The following GALNT13 variants were observed in gnomAD, a reference collection of about 807,000 sequenced individuals.
The protein encoded by GALNT13 is UDP-GalNAc:polypeptide N-acetylgalactosaminyltransferase 13.
GALNT13 carries 28 observed loss-of-function variants against 64.2 expected under a neutral mutation model. The observed-to-expected ratio is 0.44, with a 90% CI of 0.32 to 0.60. The LOEUF (loss-of-function observed/expected upper bound fraction) is 0.60. GALNT13 is among the 20% of genes least tolerant of loss of function. The probability of loss-of-function intolerance (pLI) is 0.05; values close to 1 mark genes in which losing one functional copy is unlikely to be tolerated. For missense variants in GALNT13, 577 were observed against 669.8 expected, an observed-to-expected ratio of 0.86 and a Z score of 1.53; for synonymous variants, 214 against 224.6, an observed-to-expected ratio of 0.95 and a Z score of 0.42.
chr2:153,310,593 C>G, the GALNT13 span, among the ~76,000 whole-genome samples: 1 of 152,090 alleles, frequency 6.6e-6, no homozygotes, highest in Non-Finnish European at 1.5e-5. Context: ...TTTATTTTCC[C>G]TAGCTTACTT....
intron 4 of GALNT13, among the ~76,000 whole-genome samples, chr2:154,171,457 G>C (rs1217441272): frequency 6.6e-6 from 1 of 152,058 alleles, no homozygotes; most frequent in Non-Finnish European, 1.5e-5. Context: ...TGAAAATCAA[G>C]ACAATGCATG....
At chr2:153,114,815 A>G in the GALNT13 span, among the ~76,000 whole-genome samples, 1 of 152,242 alleles carries the variant, frequency 6.6e-6, no homozygotes, top group East Asian at 1.9e-4. Flanking sequence ...CACTACTAAC[A>G]CTTGTTTTTC....
intron 2 of GALNT13, among the ~76,000 whole-genome samples, chr2:153,909,286 T>A (rs1191451860): frequency 6.6e-6 from 1 of 152,146 alleles, no homozygotes; most frequent in Non-Finnish European, 1.5e-5. Flanking sequence ...GTACATTGAC[T>A]TTTTATCCTG....
At chr2:154,131,035 T>C (rs980210882) in intron 3 of GALNT13, among the ~76,000 whole-genome samples, 2 of 152,212 alleles carry the variant, frequency 1.3e-5, no homozygotes, top group Non-Finnish European at 2.9e-5. Context: ...ATATTTCCTG[T>C]ATAAAGCTGA....
At chr2:153,442,829 T>C in the GALNT13 span, among the ~76,000 whole-genome samples, 7 of 152,244 alleles carry the variant, frequency 4.6e-5, no homozygotes, top group East Asian at 1.4e-3. Flanking sequence ...ACTTCCCGAG[T>C]GGCTTTGTTT....
intron 11 of GALNT13, among the ~76,000 whole-genome samples, chr2:154,423,361 A>G (rs911992564): frequency 6.6e-6 from 1 of 152,112 alleles, no homozygotes; most frequent in Admixed American, 6.6e-5. Flanking sequence ...GAATAGTGCC[A>G]CAATAAACAT....
the GALNT13 span, among the ~76,000 whole-genome samples, chr2:153,522,977 T>C: frequency 6.6e-6 from 1 of 151,954 alleles, no homozygotes; most frequent in African/African-American, 2.4e-5. Flanking sequence ...AGTTTTGTGT[T>C]TTACATTTAG....
chr2:153,222,345 T>TGGGGGGGGGGGGGGG, the GALNT13 span, among the ~76,000 whole-genome samples: 2 of 23,202 alleles, frequency 8.6e-5, no homozygotes, highest in East Asian at 2.5e-3. Flanking sequence ...GGGGGGGGGT[T>TGGGGGGGGGGGGGGG]GGGCTTATAG....
the GALNT13 span, among the ~76,000 whole-genome samples, chr2:153,191,157 T>C: frequency 6.6e-6 from 1 of 152,102 alleles, no homozygotes; most frequent in Non-Finnish European, 1.5e-5. Context: ...TTCCAGTTCT[T>C]ACAGGAAAGG....
chr2:153,818,783 C>T, the GALNT13 span, among the ~76,000 whole-genome samples: 2 of 152,286 alleles, frequency 1.3e-5, no homozygotes, highest in Non-Finnish European at 2.9e-5. Flanking sequence ...AGCACAGCCA[C>T]CCTGCTCCAT....
At position 154,028,629 on chromosome 2, in the gene GALNT13, A is replaced by G. The variant is rs1183407076; in HGVS notation, c.142+83990A>G. 3.9e-5 allele frequency among the ~76,000 whole-genome samples: 6 copies of G among 152,224 alleles called. No homozygotes were observed. The East Asian group carries it at 9.7e-4, about 24-fold the overall frequency. ...GGGAATTGGGGTCTTGCAGAAGTAT[A>G]TAAATTTTTTAATTGTTTAACTTGA... On this transcript the variant is annotated intron_variant, in intron 3 of 12. Transcript: ENST00000392825.
intron 3 of GALNT13, among the ~76,000 whole-genome samples, chr2:154,015,179 G>C (rs1259575767): frequency 6.6e-6 from 1 of 152,106 alleles, no homozygotes; most frequent in African/African-American, 2.4e-5. Context: ...ACCAGAGTTT[G>C]AAGTGCTTCC....
the GALNT13 span, among the ~76,000 whole-genome samples, chr2:153,129,768 C>CAA: frequency 2.7e-4 from 35 of 131,014 alleles, no homozygotes; most frequent in Middle Eastern, 4.0e-3. Context: ...GACTCTGTCT[C>CAA]AAAAAAAAAA....
chr2:153,852,024 A>G, the GALNT13 span, among the ~76,000 whole-genome samples: 1 of 152,188 alleles, frequency 6.6e-6, no homozygotes, highest in Non-Finnish European at 1.5e-5. Context: ...GCCTTAAATC[A>G]TTTGCCAAAA....
the GALNT13 span, among the ~76,000 whole-genome samples, chr2:153,684,975 GA>G: frequency 0.26 from 39,339 of 151,384 alleles, 5,906 homozygotes; most frequent in Middle Eastern, 0.5. Context: ...CCCTGCAAAG[GA>G]TATGAGCTCT....
At chr2:153,089,069 A>G in the GALNT13 span, among the ~76,000 whole-genome samples, 1 of 152,144 alleles carries the variant, frequency 6.6e-6, no homozygotes, top group Non-Finnish European at 1.5e-5. Flanking sequence ...TTTATAGGTC[A>G]TGTGAAATGC....
At chr2:153,453,180 A>C in the GALNT13 span, among the ~76,000 whole-genome samples, 1 of 152,226 alleles carries the variant, frequency 6.6e-6, no homozygotes, top group Non-Finnish European at 1.5e-5. Context: ...AAAAAGACCT[A>C]GGAAACACAA....
At chr2:154,025,389 AT>A (rs1182043003) in intron 3 of GALNT13, among the ~76,000 whole-genome samples, 1 of 152,154 alleles carries the variant, frequency 6.6e-6, no homozygotes, top group Non-Finnish European at 1.5e-5. Context: ...GCTTTCACTA[AT>A]GTTTTAGTAC....
chr2:153,244,561 C>A, the GALNT13 span, among the ~76,000 whole-genome samples: 2 of 152,206 alleles, frequency 1.3e-5, no homozygotes, highest in Non-Finnish European at 2.9e-5. Context: ...GCTCCCTCCC[C>A]CAGCCAAGGG....
Sources: allele counts gnomAD v4.1 joint callset (sites outside exome capture counted in the v4.1 genomes callset), GRCh38; gene constraint gnomAD v4.1.1; transcripts MANE v1.5; gene names NCBI Gene and HGNC (gene_info 2026-07-23, HGNC 2026-07-21).